Variants in CTTNBP2NL observed in about 807,000 individuals in gnomAD.
The protein encoded by CTTNBP2NL is CTTNBP2 N-terminal like.
CTTNBP2NL carries 16 observed loss-of-function variants against 32.5 expected under a neutral mutation model. That is an observed-to-expected ratio of 0.49 (90% CI 0.33 to 0.75). CTTNBP2NL has a LOEUF of 0.75. Among genes scored for constraint, CTTNBP2NL ranks in the 30% least tolerant of loss-of-function variants. CTTNBP2NL has a pLI of 0.02. For synonymous variants in CTTNBP2NL, 298 were observed against 289.4 expected, an observed-to-expected ratio of 1.03 and a Z score of -0.30; for missense variants, 645 against 756.0, an observed-to-expected ratio of 0.85 and a Z score of 1.72.
At chr1:112,397,524 C>T (rs1449109583) in intron 1 of CTTNBP2NL, among the ~76,000 whole-genome samples, 1 of 152,128 alleles carries the variant, frequency 6.6e-6, no homozygotes, top group Non-Finnish European at 1.5e-5. Flanking sequence ...ATTTTTAAAT[C>T]TCAGAGATAA....
chr1:112,428,902 T>G (rs1459345295), intron 3 of CTTNBP2NL, among the ~76,000 whole-genome samples: 2 of 152,176 alleles, frequency 1.3e-5, no homozygotes, highest in Non-Finnish European at 2.9e-5. Flanking sequence ...CTTAATTTGT[T>G]TTATAGTGGC....
At chr1:112,442,510 GTT>G (rs1438970918) in intron 3 of CTTNBP2NL, among the ~76,000 whole-genome samples, 1 of 151,954 alleles carries the variant, frequency 6.6e-6, no homozygotes, top group Non-Finnish European at 1.5e-5. Flanking sequence ...ACCTCAAAAA[GTT>G]ATTCTTGTGG....
rs138955555 is a variant in CTTNBP2NL, at chr1:112,421,586, C to A, written c.99+5322C>A. On this transcript the variant is annotated intron_variant, in intron 3 of 5. Coordinates refer to ENST00000271277, the MANE Select transcript of CTTNBP2NL (RefSeq NM_018704.3). ...AAAGTGCTGGGATTACAGGCATGAG[C>A]CACTGTGCCCGGCAAGACCCCCATT... 9.6e-3 allele frequency among the ~76,000 whole-genome samples: 1,432 copies of A among 149,520 alleles called. 36 individuals carry two copies. Among genetic ancestry groups the A allele is most frequent in the African/African-American group, 0.033 (1,354 of 40,516 alleles).
At chr1:112,393,104 C>T (rs1648223924), upstream of CTTNBP2NL, among the ~76,000 whole-genome samples, 1 of 152,046 alleles carries the variant, frequency 6.6e-6, no homozygotes, top group African/African-American at 2.4e-5. Context: ...GTGATCCACC[C>T]ACCTCAGCCT....
At chr1:112,406,689 T>C (rs1443887575) in intron 1 of CTTNBP2NL, among the ~76,000 whole-genome samples, 1 of 152,228 alleles carries the variant, frequency 6.6e-6, no homozygotes, top group Non-Finnish European at 1.5e-5. Context: ...ATTACTATTA[T>C]TGTTTAAATT....
rs537882971 is a variant in CTTNBP2NL at position 112,459,830 on chromosome 1, C to T, written c.*2418C>T. The T allele has an allele frequency of 6.6e-6, 1 of 152,102 alleles. No homozygotes were observed. Among genetic ancestry groups the T allele is most frequent in the Non-Finnish European group, 1.5e-5 (1 of 68,044 alleles). 9.4% of individuals were successfully genotyped at this position (152,102 alleles called of 1,614,324 possible). A position where few individuals can be genotyped will look rare whatever the true frequency, so the allele number is the denominator to read the frequency against. ...GGATAGATATATATAGAGAGAGATACTATAAGGAAGTTTATTTCTTAGGAA... is the reference window on the plus strand; with the variant it reads ...GGATAGATATATATAGAGAGAGATATTATAAGGAAGTTTATTTCTTAGGAA... On this transcript the variant is annotated 3_prime_UTR_variant, in exon 6 of 6. Transcript: ENST00000271277.
chr1:112,459,105 T>A lies in CTTNBP2NL; in HGVS notation c.*1693T>A, dbSNP rs1318352381. The A allele has an allele frequency of 6.6e-6, 1 of 152,252 alleles. No individual in the cohort carries two copies. The highest frequency in any genetic ancestry group is 1.5e-5 in the Non-Finnish European group (1 of 68,042). The allele number at this position is 152,252 out of a possible 1,614,324, so 9.4% of individuals were successfully genotyped here. On this transcript the variant is annotated 3_prime_UTR_variant, in exon 6 of 6. Transcript: ENST00000271277. ...TATCAAGAAGTGATTTTAAAATGTTTAAATGGTGCTGGTTAAACAAACACG... is the reference window on the plus strand; with the variant it reads ...TATCAAGAAGTGATTTTAAAATGTTAAAATGGTGCTGGTTAAACAAACACG...
intron 1 of CTTNBP2NL, among the ~76,000 whole-genome samples, chr1:112,403,375 CA>C (rs1220890030): frequency 6.8e-6 from 1 of 146,848 alleles, no homozygotes; most frequent in Non-Finnish European, 1.5e-5. Flanking sequence ...AAGTGCTGTA[CA>C]TTTCTTTCCA....
At position 112,416,196 on chromosome 1, in the gene CTTNBP2NL, C is replaced by T; in HGVS notation, c.31C>T (p.Leu11Phe). 6.2e-7 allele frequency: 1 copy of T among 1,608,670 alleles called. No individual in the cohort carries two copies. ...TCTGGAAAAACTCAGCAAGCCTGAA[C>T]TCCTGACACTATTTAGTATTCTTGA... MNLEKLSKPE[L>F]LTLFSILEGE... The change falls in exon 3 of 6, where the codon CTC becomes TTC. Residue 11 changes from leucine to phenylalanine, a missense_variant. By Grantham distance (22) the Leu-to-Phe change is conservative. Transcript: ENST00000271277.
intron 4 of CTTNBP2NL, among the ~76,000 whole-genome samples, chr1:112,449,727 G>GGTGTGTGTGTGTGTGT (rs71306135): frequency 2.3e-5 from 2 of 88,628 alleles, no homozygotes; most frequent in African/African-American, 6.3e-5. Flanking sequence ...ATTAGTGAGG[G>GGTGTGTGTGTGTGTGT]GTGTGTGTGT....
At chr1:112,436,626 G>A (rs928748438) in intron 3 of CTTNBP2NL, among the ~76,000 whole-genome samples, 16 of 151,068 alleles carry the variant, frequency 1.1e-4, no homozygotes, top group African/African-American at 2.7e-4. Flanking sequence ...TTATAGGCAC[G>A]AGCCACTGTG....
At chr1:112,402,719 A>G (rs1648543399) in intron 1 of CTTNBP2NL, among the ~76,000 whole-genome samples, 1 of 152,208 alleles carries the variant, frequency 6.6e-6, no homozygotes, top group Admixed American at 6.5e-5. Flanking sequence ...GGGTATAACA[A>G]TGATCTGGTC....
chr1:112,396,431 C>A (rs1291800272), intron 1 of CTTNBP2NL, 159 bp downstream of exon 1: 1 of 152,294 alleles, frequency 6.6e-6, no homozygotes, highest in Admixed American at 6.5e-5. Context: ...TCCCGGTATT[C>A]CCCGAGGAGG....
Position 112,429,355 on chromosome 1 carries a change from A to G in CTTNBP2NL, c.99+13091A>G, listed in dbSNP as rs927464181. On this transcript the variant is annotated intron_variant, in intron 3 of 5. Transcript: ENST00000271277. Reference sequence around the variant, plus strand: ...GAGTTTGGCAATATCTATCAAATTTAAAAATGCAGAGCCAGGCATGGTGGC... The same window carrying G: ...GAGTTTGGCAATATCTATCAAATTTGAAAATGCAGAGCCAGGCATGGTGGC... Among the ~76,000 whole-genome samples, 4 of 152,320 alleles carry G rather than the reference A, an allele frequency of 2.6e-5. No homozygotes were observed. The East Asian group carries it at 7.7e-4, about 29-fold the overall frequency.
chr1:112,397,913 T>A (rs1206173082), intron 1 of CTTNBP2NL, among the ~76,000 whole-genome samples: 1 of 152,202 alleles, frequency 6.6e-6, no homozygotes, highest in Non-Finnish European at 1.5e-5. Flanking sequence ...TACTTTTGAA[T>A]AGTTAGGTTT....
At chr1:112,424,982 A>AT (rs1485045960) in intron 3 of CTTNBP2NL, among the ~76,000 whole-genome samples, 2 of 150,230 alleles carry the variant, frequency 1.3e-5, no homozygotes, top group African/African-American at 5.0e-5. Flanking sequence ...CGCCCAGCTA[A>AT]ATTTTTTTTT....
chr1:112,414,140 C>T (rs756153368), intron 2 of CTTNBP2NL, among the ~76,000 whole-genome samples: 14 of 151,912 alleles, frequency 9.2e-5, no homozygotes, highest in South Asian at 2.1e-4. Context: ...CTGAGGTGGG[C>T]GGATCACCTG....
intron 3 of CTTNBP2NL, among the ~76,000 whole-genome samples, chr1:112,445,178 A>G (rs1650002396): frequency 6.6e-6 from 1 of 152,148 alleles, no homozygotes. Flanking sequence ...GCCCTGACCA[A>G]CAGTTTGATT....
intron 3 of CTTNBP2NL, among the ~76,000 whole-genome samples, chr1:112,422,235 G>A (rs957705021): frequency 4.6e-5 from 7 of 151,984 alleles, no homozygotes; most frequent in African/African-American, 1.5e-4. Context: ...GGAATCATAT[G>A]GAATATACTC....
Sources: allele counts gnomAD v4.1 joint callset (sites outside exome capture counted in the v4.1 genomes callset), GRCh38; gene constraint gnomAD v4.1.1; transcripts MANE v1.5; gene names NCBI Gene and HGNC (gene_info 2026-07-23, HGNC 2026-07-21).